The following SNX29 variants were observed in gnomAD, a reference collection of about 807,000 sequenced individuals.
The protein encoded by SNX29 is sorting nexin 29.
Under a neutral mutation model 102.1 loss-of-function variants are expected in SNX29, and 78 were observed. That is an observed-to-expected ratio of 0.76 (90% confidence interval 0.64 to 0.92). SNX29 has a LOEUF of 0.92. Among genes scored for constraint, SNX29 ranks in the 40% least tolerant of loss-of-function variants. The pLI is 0.00. For missense variants in SNX29, 1,280 were observed against 1,061.7 expected (o/e 1.21, Z -2.86); for synonymous variants, 580 against 414.5 (o/e 1.40, Z -4.85).
intron 13 of SNX29, among the ~76,000 whole-genome samples, chr16:12,162,845 C>T (rs976738360): frequency 7.9e-5 from 12 of 152,068 alleles, no homozygotes; most frequent in Admixed American, 1.3e-4. Context: ...CCTGGAGGGC[C>T]GGCAAGCACG....
intron 20 of SNX29, among the ~76,000 whole-genome samples, chr16:12,547,932 A>T (rs1169370067): frequency 6.6e-6 from 1 of 152,050 alleles, no homozygotes; most frequent in African/African-American, 2.4e-5. Flanking sequence ...GGATACCTCA[A>T]TTCCCAGTCT....
At chr16:12,427,594 T>C (rs1336998708) in intron 18 of SNX29, among the ~76,000 whole-genome samples, 1 of 151,662 alleles carries the variant, frequency 6.6e-6, no homozygotes, top group Non-Finnish European at 1.5e-5. Flanking sequence ...GTTGTTGGTA[T>C]TTAATCAAAC....
chr16:12,554,779 A>G (rs2856788), intron 20 of SNX29, among the ~76,000 whole-genome samples: 29,918 of 152,022 alleles, frequency 0.2, 3,111 homozygotes, highest in East Asian at 0.43. Flanking sequence ...CCCCCGCCAT[A>G]GAATGCAATT....
At chr16:12,368,970 A>G (rs2082585232) in intron 16 of SNX29, among the ~76,000 whole-genome samples, 1 of 152,108 alleles carries the variant, frequency 6.6e-6, no homozygotes, top group African/African-American at 2.4e-5. Flanking sequence ...CACATTCATT[A>G]TTGGTGCAGG....
intron 18 of SNX29, among the ~76,000 whole-genome samples, chr16:12,445,422 C>T (rs8051300): frequency 0.039 from 5,937 of 152,194 alleles, 230 homozygotes; most frequent in African/African-American, 0.094. Context: ...GAGCAACTCT[C>T]CTGTGTGCAT....
intron 2 of SNX29, among the ~76,000 whole-genome samples, chr16:12,000,728 G>A (rs1264554337): frequency 6.6e-6 from 1 of 152,136 alleles, no homozygotes; most frequent in Admixed American, 6.6e-5. Context: ...AGAGAATGCA[G>A]TATCTACGCA....
chr16:12,120,855 C>T (rs1193590855), intron 11 of SNX29, among the ~76,000 whole-genome samples: 2 of 152,138 alleles, frequency 1.3e-5, no homozygotes, highest in Non-Finnish European at 1.5e-5. Context: ...GTCGCATTCC[C>T]GAGATGCATA....
intron 4 of SNX29, among the ~76,000 whole-genome samples, chr16:12,037,027 G>A (rs1205023990): frequency 6.6e-6 from 1 of 152,048 alleles, no homozygotes; most frequent in Admixed American, 6.6e-5. Flanking sequence ...GTGTCTTTCC[G>A]GGTGGGGTCT....
chr16:12,075,621 A>T lies in SNX29; in HGVS notation c.1320-3212A>T, dbSNP rs532353808. 6.8e-4 allele frequency among the ~76,000 whole-genome samples: 104 copies of T among 152,242 alleles called. 3 individuals are homozygous for T. The highest frequency in any genetic ancestry group is 9.0e-4 in the Non-Finnish European group (61 of 68,008). ...GCTGCTCAGGGGTCAGGGGTCAGGG[A>T]CCCACTTGAGGAGGCAGTCTGCCCG... On this transcript the variant is annotated intron_variant, in intron 10 of 20. Coordinates refer to ENST00000566228, the MANE Select transcript of SNX29 (RefSeq NM_032167.5).
intron 18 of SNX29, among the ~76,000 whole-genome samples, chr16:12,450,593 G>A (rs939342205): frequency 2.0e-5 from 3 of 152,350 alleles, no homozygotes; most frequent in African/African-American, 7.2e-5. Context: ...CACGGTGTGA[G>A]AGAAGGGAAG....
At chr16:12,317,503 T>C (rs1416945475) in intron 15 of SNX29, among the ~76,000 whole-genome samples, 1 of 152,184 alleles carries the variant, frequency 6.6e-6, no homozygotes, top group African/African-American at 2.4e-5. Context: ...TTCCTGTGCC[T>C]TTAGAGCCAC....
chr16:12,525,014 T>G (rs1256099449), intron 20 of SNX29, among the ~76,000 whole-genome samples, 173 bp downstream of exon 20: 1 of 152,108 alleles, frequency 6.6e-6, no homozygotes, highest in Non-Finnish European at 1.5e-5. Context: ...TCTCAGCGCT[T>G]TGGAGCTTCT....
intron 18 of SNX29, among the ~76,000 whole-genome samples, chr16:12,449,469 C>G (rs906879868): frequency 6.6e-6 from 1 of 152,070 alleles, no homozygotes; most frequent in African/African-American, 2.4e-5. Flanking sequence ...TATTTGGCAT[C>G]TTAACTCACA....
chr16:12,166,470 G>C (rs949147459), intron 13 of SNX29, among the ~76,000 whole-genome samples: 1 of 152,232 alleles, frequency 6.6e-6, no homozygotes, highest in Admixed American at 6.5e-5. Context: ...CTCTCCACTT[G>C]GAGGAGCTGG....
At chr16:12,072,012 G>T (rs530372021) in intron 10 of SNX29, among the ~76,000 whole-genome samples, 1 of 152,182 alleles carries the variant, frequency 6.6e-6, no homozygotes, top group East Asian at 1.9e-4. Flanking sequence ...TTTGTACATT[G>T]ATTTTGTATC....
rs183764321 is a variant in SNX29 at position 12,561,154 on chromosome 16, T to C, written c.2319-7352T>C. On this transcript the variant is annotated intron_variant, in intron 20 of 20. Transcript: ENST00000566228. Reference sequence around the variant, plus strand: ...CTGAGGCCCAGGTGTTGCCTAGGAATGAATTCAAAGGCTATTCAGCCTGGC... The same window carrying C: ...CTGAGGCCCAGGTGTTGCCTAGGAACGAATTCAAAGGCTATTCAGCCTGGC... The C allele has an allele frequency of 3.9e-3, 901 of 229,590 alleles. 6 individuals are homozygous for C. Among genetic ancestry groups the C allele is most frequent in the African/African-American group, 0.019 (867 of 45,226 alleles). 14.2% of individuals were successfully genotyped at this position (229,590 alleles called of 1,614,324 possible).
chr16:12,319,771 G>T (rs557922788), intron 15 of SNX29, among the ~76,000 whole-genome samples: 4 of 152,270 alleles, frequency 2.6e-5, no homozygotes, highest in Non-Finnish European at 5.9e-5. Flanking sequence ...CCACACCACA[G>T]CCCCAGGTGG....
intron 9 of SNX29, among the ~76,000 whole-genome samples, chr16:12,063,920 C>T (rs555227173): frequency 8.5e-5 from 13 of 152,146 alleles, no homozygotes; most frequent in Admixed American, 2.6e-4. Context: ...TTGCTGATGC[C>T]TGTTCAGCGG....
chr16:12,051,080 C>A (rs2050279579), intron 7 of SNX29, among the ~76,000 whole-genome samples: 3 of 152,120 alleles, frequency 2.0e-5, no homozygotes, highest in Non-Finnish European at 4.4e-5. Context: ...ATAATCCCAG[C>A]AATTTAGGAG....
Sources: gnomAD v4.1 joint callset for allele counts (sites outside exome capture counted in the v4.1 genomes callset) on GRCh38, gnomAD v4.1.1 for gene constraint, MANE v1.5 for transcripts, NCBI Gene and HGNC (gene_info 2026-07-23, HGNC 2026-07-21) for gene names.